PEPD: variants seen among roughly 807,000 people sequenced by gnomAD.
PEPD encodes xaa-Pro dipeptidase.
In PEPD, 53 loss-of-function variants were observed where a neutral mutation model predicts 60.7. The ratio of observed to expected loss-of-function variants is 0.87; its 90% CI spans 0.70 to 1.10. The LOEUF (loss-of-function observed/expected upper bound fraction) is 1.10, where lower values mean the gene tolerates loss of function less well. Among genes scored for constraint, PEPD ranks in the 50% least tolerant of loss-of-function variants. PEPD has a pLI of 0.00. For synonymous variants in PEPD, 267 were observed against 284.1 expected (o/e 0.94, Z 0.60); for missense variants, 711 against 711.9 (o/e 1.00, Z 0.01).
Position 33,512,626 on chromosome 19 carries a change from GC to G in PEPD, c.167del (p.Arg56ProfsTer74). On this transcript the variant is annotated frameshift_variant, in exon 2 of 15. Coordinates refer to ENST00000244137, the MANE Select transcript of PEPD (RefSeq NM_000285.4). LOFTEE classifies it high-confidence loss of function. ...AGAGGACCCCGGTGTCGGTGCAGTA[GC>G]GCTGAGTCTCCTCCCCGCCCTGCAG... ...VVLQGGEETQ[R>X]YCTDTGVLFR... The G allele has an allele frequency of 6.2e-7, 1 of 1,613,934 alleles. No homozygotes were observed. Among genetic ancestry groups the G allele is most frequent in the Non-Finnish European group, 8.5e-7 (1 of 1,179,968 alleles).
At chr19:33,402,771 G>A (rs1025273602) in intron 11 of PEPD, among the ~76,000 whole-genome samples, 8 of 152,182 alleles carry the variant, frequency 5.3e-5, no homozygotes, top group Admixed American at 4.6e-4. Context: ...GGTGCCAGCT[G>A]TCCAGGACGG....
intron 9 of PEPD, among the ~76,000 whole-genome samples, chr19:33,446,571 C>G (rs113959576): frequency 2.6e-5 from 4 of 152,196 alleles, no homozygotes; most frequent in Non-Finnish European, 5.9e-5. Context: ...ACAGGGTGGC[C>G]GAGAGCCCCA....
chr19:33,514,257 C>T (rs544141386), intron 1 of PEPD, among the ~76,000 whole-genome samples: 3 of 152,192 alleles, frequency 2.0e-5, no homozygotes, highest in Admixed American at 6.5e-5. Flanking sequence ...AGAGCTGGTG[C>T]GAGCAGAGAG....
At chr19:33,472,688 T>C (rs966441844) in intron 7 of PEPD, among the ~76,000 whole-genome samples, 5 of 152,132 alleles carry the variant, frequency 3.3e-5, no homozygotes, top group South Asian at 2.1e-4. Context: ...CTGATTAAAA[T>C]AGTAGTGAGA....
intron 3 of PEPD, among the ~76,000 whole-genome samples, chr19:33,503,169 C>T (rs1183184450): frequency 6.6e-6 from 1 of 152,134 alleles, no homozygotes; most frequent in African/African-American, 2.4e-5. Context: ...CACCACTTCC[C>T]TCCCCACCCA....
At chr19:33,499,039 A>G (rs1198277058) in intron 4 of PEPD, among the ~76,000 whole-genome samples, 1 of 152,166 alleles carries the variant, frequency 6.6e-6, no homozygotes, top group Non-Finnish European at 1.5e-5. Context: ...GAGGGTCGGA[A>G]GGAAAACGAG....
intron 3 of PEPD, among the ~76,000 whole-genome samples, chr19:33,504,006 A>G (rs1023875397): frequency 2.6e-5 from 4 of 152,300 alleles, no homozygotes; most frequent in Non-Finnish European, 4.4e-5. Flanking sequence ...GCGCCTCCCA[A>G]GCCAGAGGTC....
At chr19:33,407,129 A>C (rs1397793974) in intron 11 of PEPD, among the ~76,000 whole-genome samples, 1 of 152,210 alleles carries the variant, frequency 6.6e-6, no homozygotes, top group African/African-American at 2.4e-5. Context: ...GCGAGGGGCC[A>C]CAGTAGATTA....
chr19:33,410,967 ACCT>A (rs1968751659), intron 11 of PEPD, among the ~76,000 whole-genome samples: 2 of 151,294 alleles, frequency 1.3e-5, no homozygotes, highest in Admixed American at 1.3e-4. Flanking sequence ...GTACTCACAC[ACCT>A]CCTCCCTGCC....
chr19:33,491,279 G>A (rs956721729), intron 5 of PEPD, among the ~76,000 whole-genome samples: 1 of 151,924 alleles, frequency 6.6e-6, no homozygotes, highest in Non-Finnish European at 1.5e-5. Flanking sequence ...GCGAAACCCC[G>A]TCTCTAACAA....
chr19:33,495,596 CAGA>C (rs1179667027), intron 4 of PEPD, among the ~76,000 whole-genome samples: 2 of 152,142 alleles, frequency 1.3e-5, no homozygotes, highest in Admixed American at 6.5e-5. Context: ...AATGATCCTC[CAGA>C]CATGTATCAA....
chr19:33,404,532 C>T (rs1267583327), intron 11 of PEPD, among the ~76,000 whole-genome samples: 1 of 152,196 alleles, frequency 6.6e-6, no homozygotes, highest in Non-Finnish European at 1.5e-5. Flanking sequence ...AATGTAAAAA[C>T]AAGACTGTTC....
intron 9 of PEPD, among the ~76,000 whole-genome samples, chr19:33,419,885 C>T (rs940272007): frequency 2.0e-5 from 3 of 152,322 alleles, no homozygotes; most frequent in East Asian, 1.9e-4. Context: ...GCTGAGGCCC[C>T]GCCCAGAAGG....
Position 33,399,276 on chromosome 19 carries a change from C to G in PEPD, c.967+2445G>C, listed in dbSNP as rs74697486. 5.7e-4 allele frequency among the ~76,000 whole-genome samples: 87 copies of G among 152,316 alleles called. No homozygotes were observed. In the East Asian group the frequency reaches 0.015, roughly 27 times the overall value. On this transcript the variant is annotated intron_variant, in intron 12 of 14. Coordinates refer to ENST00000244137, the MANE Select transcript of PEPD (RefSeq NM_000285.4). The stretch of plus-strand genomic sequence containing the variant: ...GGATTATAAGTGTGAGCCACAGAGC[C>G]CGGCCTGCTGCTTTTTAAGCAAAGC...
chr19:33,458,340 G>A (rs1168575474), intron 9 of PEPD, among the ~76,000 whole-genome samples: 1 of 151,338 alleles, frequency 6.6e-6, no homozygotes, highest in East Asian at 1.9e-4. Context: ...TGTGTGGTGT[G>A]TAGGTGCATG....
chr19:33,430,873 G>A (rs902049689), intron 9 of PEPD, among the ~76,000 whole-genome samples: 11 of 152,204 alleles, frequency 7.2e-5, no homozygotes, highest in Non-Finnish European at 1.6e-4. Flanking sequence ...CACGCCGTCT[G>A]CCACGCACAC....
chr19:33,457,128 G>A (rs942617136), intron 9 of PEPD, among the ~76,000 whole-genome samples: 8 of 150,606 alleles, frequency 5.3e-5, no homozygotes, highest in Admixed American at 1.3e-4. Flanking sequence ...GGAGGGACTC[G>A]GATGAAAAGC....
At chr19:33,496,903 C>T (rs1970617004) in intron 4 of PEPD, among the ~76,000 whole-genome samples, 1 of 152,214 alleles carries the variant, frequency 6.6e-6, no homozygotes, top group African/African-American at 2.4e-5. Context: ...GGCCGCTTTT[C>T]GCAGGGTGAT....
At chr19:33,449,869 C>A (rs1028635010) in intron 9 of PEPD, among the ~76,000 whole-genome samples, 4 of 152,058 alleles carry the variant, frequency 2.6e-5, no homozygotes, top group African/African-American at 9.7e-5. Flanking sequence ...GTGACATGAT[C>A]AATAATTATA....
Sources: allele counts gnomAD v4.1 joint callset (sites outside exome capture counted in the v4.1 genomes callset), GRCh38; gene constraint gnomAD v4.1.1; transcripts MANE v1.5; gene names NCBI Gene and HGNC (gene_info 2026-07-23, HGNC 2026-07-21).